Variants in TMC6 observed in about 807,000 individuals in gnomAD.
TMC6 encodes the protein transmembrane channel like 6.
Under a neutral mutation model 95.4 loss-of-function variants are expected in TMC6, and 71 were observed. The ratio of observed to expected loss-of-function variants is 0.74; its 90% CI spans 0.61 to 0.91. The LOEUF (loss-of-function observed/expected upper bound fraction) is 0.91, where lower values mean the gene tolerates loss of function less well. Among genes scored for constraint, TMC6 ranks in the 40% least tolerant of loss-of-function variants. TMC6 has a pLI of 0.00. For missense variants in TMC6, 1,074 were observed against 1,079.1 expected (o/e 1.00, Z 0.07); for synonymous variants, 514 against 483.1 (o/e 1.06, Z -0.84).
chr17:78,126,147 C>A, intron 4 of TMC6, 130 bp downstream of exon 4: 1 of 1,355,196 alleles, frequency 7.4e-7, no homozygotes, highest in Non-Finnish European at 1.0e-6. Flanking sequence ...GGAGCCCGCC[C>A]TGGGCCTGGC....
chr17:78,119,168 T>C, intron 14 of TMC6, 122 bp from the exon 15 acceptor site: 1 of 1,490,998 alleles, frequency 6.7e-7, no homozygotes, highest in African/African-American at 1.4e-5. Flanking sequence ...GGGGTTAGGG[T>C]CTGCATCACT....
intron 18 of TMC6, chr17:78,113,992 G>A: frequency 2.8e-6 from 1 of 356,734 alleles, no homozygotes; most frequent in South Asian, 2.3e-5. Context: ...ACAAGGCACA[G>A]GGTTTACATT....
chr17:78,117,677 C>A (rs750335678), intron 16 of TMC6, 33 bp from the exon 17 acceptor site: 2 of 1,555,976 alleles, frequency 1.3e-6, no homozygotes, highest in Non-Finnish European at 1.7e-6. Context: ...ACCCTCACCC[C>A]GAGCAACAGT....
At chr17:78,118,929 C>T (rs961056538) in intron 15 of TMC6, 42 bp downstream of exon 15, 1 of 1,560,990 alleles carries the variant, frequency 6.4e-7, no homozygotes, top group Admixed American at 1.9e-5. Flanking sequence ...CACTGCCGGC[C>T]ACCCTGCCAG....
At chr17:78,131,622 GC>G (rs760600450), upstream of TMC6, 1 of 1,551,326 alleles carries the variant, frequency 6.4e-7, no homozygotes, top group East Asian at 2.4e-5. Flanking sequence ...ATCGGAGCGG[GC>G]CCCTGGGGTG....
chr17:78,117,567 T>C lies in TMC6; in HGVS notation c.2099A>G (p.His700Arg), dbSNP rs773575079. The change falls in exon 17 of 20, where the codon CAC (histidine) becomes CGC (arginine). Residue 700 changes from histidine to arginine, a missense_variant. By Grantham distance (29) the His-to-Arg change is conservative. Coordinates refer to ENST00000590602, the MANE Select transcript of TMC6 (RefSeq NM_001127198.5). ...GACCCTGGGGCCTGCCGCCTCCAGGTGGCGCACCCACACCCTGCCGGCCTC... is the reference window on the plus strand; with the variant it reads ...GACCCTGGGGCCTGCCGCCTCCAGGCGGCGCACCCACACCCTGCCGGCCTC... ...MYEAGRVWVR[H>R]LEAAGPRVSW... is the part of the protein sequence containing the mutation. 13 of 1,591,964 alleles carry C rather than the reference T, an allele frequency of 8.2e-6. No homozygotes were observed. The South Asian group carries it at 1.4e-4, about 17-fold the overall frequency.
intron 8 of TMC6, 90 bp from the exon 9 acceptor site, chr17:78,124,269 A>C (rs1158638996): frequency 1.0e-5 from 16 of 1,527,878 alleles, no homozygotes; most frequent in South Asian, 7.1e-5. Flanking sequence ...GAGCAGGAGG[A>C]GGCCAGGCAG....
intron 13 of TMC6, 109 bp from the exon 14 acceptor site, chr17:78,119,501 C>T (rs911255678): frequency 3.2e-5 from 35 of 1,109,764 alleles, no homozygotes; most frequent in South Asian, 5.1e-5. Flanking sequence ...ACATCCTGGC[C>T]GTTCCACAGA....
In TMC6 at chr17:78,113,585, A is replaced by C; in HGVS notation, c.2317T>G (p.Ser773Ala). The change falls in exon 19 of 20, where the codon TCC becomes GCC. Residue 773 changes from serine to alanine, a missense_variant. By Grantham distance (99) the Ser-to-Ala change is moderately conservative (BLOSUM62 1). Coordinates refer to ENST00000590602, the MANE Select transcript of TMC6 (RefSeq NM_001127198.5). Reference protein sequence around the residue: ...DKIFLINKLHSIYERKEREER... With the variant: ...DKIFLINKLHAIYERKEREER... The stretch of plus-strand genomic sequence containing the variant: ...TCCCTCTCCTTCCTCTCGTAGATGG[A>C]GTGAAGCTTGTTGATTAAGAAGATT... 1 of 1,613,902 alleles carries C rather than the reference A, an allele frequency of 6.2e-7. No homozygotes were observed. Among genetic ancestry groups the C allele is most frequent in the Non-Finnish European group, 8.5e-7 (1 of 1,179,996 alleles).
upstream of TMC6, chr17:78,131,366 T>C (rs549449625): frequency 1.9e-5 from 12 of 633,656 alleles, no homozygotes; most frequent in Admixed American, 3.4e-4. Flanking sequence ...GGATTCTCTC[T>C]CATTTCTGAG....
chr17:78,129,063 G>C (rs1179413728), upstream of TMC6, among the ~76,000 whole-genome samples: 1 of 151,566 alleles, frequency 6.6e-6, no homozygotes, highest in Non-Finnish European at 1.5e-5. This position sits in a 1 kb window ranked among gnomAD's most constrained non-coding sequence, Gnocchi z 4.3. Context: ...GTCCAAGTAA[G>C]ATGCCGCCGA....
chr17:78,120,491 C>G, intron 13 of TMC6, 162 bp downstream of exon 13: 1 of 1,142,994 alleles, frequency 8.7e-7, no homozygotes, highest in Non-Finnish European at 1.3e-6. Flanking sequence ...GTTTTCCTTT[C>G]CAATCTAAAA....
In TMC6 at chr17:78,125,000, A is replaced by T; in HGVS notation, c.537-15T>A. ...TGCTCTTCTCTCTGGGGACAGAGGC[A>T]GCCATAGGTGCCTGGACCAATGAGG... On this transcript the variant is annotated splice_polypyrimidine_tract_variant and intron_variant, in intron 6 of 19. Coordinates refer to ENST00000590602, the MANE Select transcript of TMC6 (RefSeq NM_001127198.5). 1 of 1,574,278 alleles carries T rather than the reference A, an allele frequency of 6.4e-7. No individual in the cohort carries two copies. Among genetic ancestry groups the T allele is most frequent in the Non-Finnish European group, 8.6e-7 (1 of 1,163,348 alleles).
Position 78,111,851 on chromosome 17 carries a change from G to T in TMC6, c.*1297C>A. 4.8e-6 allele frequency: 1 copy of T among 209,244 alleles called. No homozygotes were observed. The highest frequency in any genetic ancestry group is 5.1e-5 in the South Asian group (1 of 19,526). The allele number at this position is 209,244 out of a possible 1,614,324, so 13.0% of individuals were successfully genotyped here. A position where few individuals can be genotyped will look rare whatever the true frequency, so the allele number is the denominator to read the frequency against. On this transcript the variant is annotated 3_prime_UTR_variant, in exon 20 of 20. Coordinates refer to ENST00000590602, the MANE Select transcript of TMC6 (RefSeq NM_001127198.5). Reference sequence around the variant, plus strand: ...AGCTCCTGCAGGCCTGGAGCCCTGGGCTGTGACAGGCTGGTCCCCACAAGC... The same window carrying T: ...AGCTCCTGCAGGCCTGGAGCCCTGGTCTGTGACAGGCTGGTCCCCACAAGC...
chr17:78,118,975 T>C lies in TMC6; in HGVS notation c.1883A>G (p.Lys628Arg). Reference protein sequence around the residue: ...IIKLLLVFYVKKTSLLANCQA... With the variant: ...IIKLLLVFYVRKTSLLANCQA... ...CCCAGGCCTTGGCAGCCTCACCTTC[T>C]TGACATAGAAGACGAGCAGCAGCTT... Residue 628 changes from lysine (K) to arginine (R), a missense_variant, in exon 15 of 20, where the codon AAG becomes AGG. Transcript: ENST00000590602. 1 of 1,601,406 alleles carries C rather than the reference T, an allele frequency of 6.2e-7. No individual in the cohort carries two copies. Among genetic ancestry groups the C allele is most frequent in the Non-Finnish European group, 8.5e-7 (1 of 1,174,284 alleles).
rs987556235 is a variant in TMC6, at chr17:78,126,344, C to T, written c.204G>A (p.Trp68Ter). 6.3e-7 allele frequency: 1 copy of T among 1,584,406 alleles called. No individual in the cohort carries two copies. ...EVTGSSQQTLWRPEGTQSTAT... is the reference protein window; with the variant it reads ...EVTGSSQQTL ...CCGTGCTCTGGGTGCCCTCGGGCCG[C>T]CAGAGTGTCTGCTGGCTACTTCCTA... Residue 68 changes from tryptophan to a stop codon, truncating the protein, a stop_gained, in exon 4 of 20, where the codon TGG becomes TGA. Coordinates refer to ENST00000590602, the MANE Select transcript of TMC6 (RefSeq NM_001127198.5). LOFTEE classifies it high-confidence loss of function.
Position 78,121,295 on chromosome 17 carries a change from C to T in TMC6, c.1384-131G>A. ...CTCCAAGATCTGGCCCTCCCCAGGC[C>T]TCAAGTTCAAACCACACAGGAAGCA... On this transcript the variant is annotated intron_variant, in intron 11 of 19. Coordinates refer to ENST00000590602, the MANE Select transcript of TMC6 (RefSeq NM_001127198.5). The surrounding 1 kb of genome is among the most constrained non-coding windows in gnomAD (Gnocchi z 5.6). The T allele has an allele frequency of 1.4e-6, 2 of 1,455,422 alleles. No homozygotes were observed. The highest frequency in any genetic ancestry group is 1.9e-6 in the Non-Finnish European group (2 of 1,077,846). 90.2% of individuals were successfully genotyped at this position (1,455,422 alleles called of 1,614,324 possible).
chr17:78,122,537 C>T lies in TMC6; in HGVS notation c.1227+68G>A. 6.3e-7 allele frequency: 1 copy of T among 1,595,228 alleles called. No homozygotes were observed. The highest frequency in any genetic ancestry group is 8.5e-7 in the Non-Finnish European group (1 of 1,177,950). On this transcript the variant is annotated intron_variant, in intron 10 of 19. Transcript: ENST00000590602. The surrounding 1 kb of genome is among the most constrained non-coding windows in gnomAD (Gnocchi z 4.9). ...AGACCATGGTTCTGGTCACATGGTC[C>T]TAAGTGGACCCAGGGCCAGGCCTGC...
At chr17:78,126,066 G>A (rs1320597376) in intron 4 of TMC6, 182 bp from the exon 5 acceptor site, 3 of 1,131,172 alleles carry the variant, frequency 2.7e-6, no homozygotes, top group East Asian at 2.6e-5. Flanking sequence ...TGACTCTGGA[G>A]TCATTTTTGG....
Sources: gnomAD v4.1 joint callset for allele counts (sites outside exome capture counted in the v4.1 genomes callset) on GRCh38, gnomAD v4.1.1 for gene constraint, Gnocchi (gnomAD v3.1) non-coding constraint, MANE v1.5 for transcripts, NCBI Gene and HGNC (gene_info 2026-07-23, HGNC 2026-07-21) for gene names.